MAF: variants seen among roughly 807,000 people sequenced by gnomAD.
The protein encoded by MAF is MAF bZIP transcription factor, also known as transcription factor Maf.
Under a neutral mutation model 22.0 loss-of-function variants are expected in MAF, and 10 were observed. That is an observed-to-expected ratio of 0.45 (90% CI 0.28 to 0.77). The LOEUF (loss-of-function observed/expected upper bound fraction) is 0.77. Among genes scored for constraint, MAF ranks in the 30% least tolerant of loss-of-function variants. The pLI is 0.12. For synonymous variants in MAF, 337 were observed against 255.8 expected (o/e 1.32, Z -3.03); for missense variants, 544 against 548.4 (o/e 0.99, Z 0.08).
At chr16:79,408,095 A>AAAAAAC in the MAF span, among the ~76,000 whole-genome samples, 3 of 146,996 alleles carry the variant, frequency 2.0e-5, no homozygotes, top group South Asian at 2.2e-4. Flanking sequence ...AAAAAAAAAA[A>AAAAAAC]AAAAACCTAA....
chr16:79,591,681 T>C (rs1187098535), downstream of MAF, among the ~76,000 whole-genome samples: 3 of 152,206 alleles, frequency 2.0e-5, no homozygotes, highest in East Asian at 3.9e-4. Flanking sequence ...GTCGTTGGTT[T>C]GCTCTTCCCA....
chr16:79,545,239 A>G, the MAF span, among the ~76,000 whole-genome samples: 5 of 152,196 alleles, frequency 3.3e-5, no homozygotes, highest in South Asian at 4.2e-4. Flanking sequence ...GACACAGGAC[A>G]TTGTTTTGGA....
At chr16:79,292,151 G>T in the MAF span, among the ~76,000 whole-genome samples, 1 of 152,158 alleles carries the variant, frequency 6.6e-6, no homozygotes, top group African/African-American at 2.4e-5. Flanking sequence ...TCTCTAAGAA[G>T]ACATGTTGAA....
the MAF span, among the ~76,000 whole-genome samples, chr16:79,491,443 CA>C: frequency 6.6e-6 from 1 of 152,180 alleles, no homozygotes; most frequent in Non-Finnish European, 1.5e-5. Context: ...ACACAAGAAA[CA>C]GGCAGAGAGC....
the MAF span, among the ~76,000 whole-genome samples, chr16:79,344,692 G>C: frequency 2.6e-5 from 4 of 152,132 alleles, no homozygotes; most frequent in Non-Finnish European, 4.4e-5. Context: ...AAGTCATCTA[G>C]AGAGCTTACT....
chr16:79,469,754 G>A, the MAF span, among the ~76,000 whole-genome samples: 1 of 152,004 alleles, frequency 6.6e-6, no homozygotes, highest in Non-Finnish European at 1.5e-5. Context: ...CCGCCACCTT[G>A]TCTGGCTAAT....
At chr16:79,304,595 G>C in the MAF span, among the ~76,000 whole-genome samples, 2 of 152,128 alleles carry the variant, frequency 1.3e-5, no homozygotes, top group African/African-American at 2.4e-5. Context: ...AAGTCAGTGA[G>C]AGCAAGAAAA....
chr16:79,539,905 AATT>A, the MAF span, among the ~76,000 whole-genome samples: 1 of 152,188 alleles, frequency 6.6e-6, no homozygotes, highest in South Asian at 2.1e-4. Flanking sequence ...TCTCTGATGA[AATT>A]ATGAGTGATT....
the MAF span, among the ~76,000 whole-genome samples, chr16:79,328,873 C>T: frequency 3.9e-5 from 6 of 152,134 alleles, no homozygotes; most frequent in South Asian, 6.2e-4. Context: ...TCTGCCAAGG[C>T]GTTTAACTCT....
At chr16:79,242,532 C>T in the MAF span, among the ~76,000 whole-genome samples, 18 of 151,812 alleles carry the variant, frequency 1.2e-4, no homozygotes, top group East Asian at 7.7e-4. Context: ...CACCCAATAC[C>T]GGAGCACCCA....
the MAF span, among the ~76,000 whole-genome samples, chr16:79,540,613 C>T: frequency 5.3e-5 from 8 of 152,182 alleles, no homozygotes; most frequent in Non-Finnish European, 1.0e-4. Flanking sequence ...CTGTGGGAAG[C>T]CAGACCACTT....
chr16:79,352,877 C>A, the MAF span, among the ~76,000 whole-genome samples: 1 of 152,168 alleles, frequency 6.6e-6, no homozygotes, highest in African/African-American at 2.4e-5. Flanking sequence ...TATTAAATTA[C>A]CCTCATTTCT....
At chr16:79,428,930 C>T in the MAF span, among the ~76,000 whole-genome samples, 5 of 151,982 alleles carry the variant, frequency 3.3e-5, no homozygotes, top group African/African-American at 1.2e-4. Context: ...GGCATAGCTG[C>T]AATTACAAAA....
chr16:79,402,452 G>A, the MAF span, among the ~76,000 whole-genome samples: 139 of 152,304 alleles, frequency 9.1e-4, 3 homozygotes, highest in African/African-American at 3.2e-3. Flanking sequence ...CATTCTTCCA[G>A]GGGCCTCTCA....
chr16:79,590,611 C>T (rs966751864), downstream of MAF, among the ~76,000 whole-genome samples: 1 of 151,988 alleles, frequency 6.6e-6, no homozygotes, highest in Admixed American at 6.6e-5. Flanking sequence ...GTGCTAAGGA[C>T]GTCACTGTTG....
chr16:79,270,416 C>A, the MAF span, among the ~76,000 whole-genome samples: 2 of 152,178 alleles, frequency 1.3e-5, no homozygotes, highest in East Asian at 3.9e-4. Context: ...GGAAGGAGAA[C>A]AGATGAAAAG....
At chr16:79,211,686 T>TGCTGCC in the MAF span, 9 of 1,614,126 alleles carry the variant, frequency 5.6e-6, no homozygotes, top group East Asian at 1.8e-4. Context: ...CTTCAACAAC[T>TGCTGCC]GCTGCCGCTG....
At chr16:79,412,900 T>C in the MAF span, among the ~76,000 whole-genome samples, 1 of 152,232 alleles carries the variant, frequency 6.6e-6, no homozygotes, top group South Asian at 2.1e-4. Context: ...AGTCAGCACC[T>C]TGGGCTTCGC....
chr16:79,319,633 T>C, the MAF span, among the ~76,000 whole-genome samples: 406 of 152,350 alleles, frequency 2.7e-3, 1 homozygote, highest in African/African-American at 9.4e-3. Context: ...TCTCTGATTA[T>C]TCTTAAACTA....
Sources: allele counts gnomAD v4.1 joint callset (sites outside exome capture counted in the v4.1 genomes callset), GRCh38; gene constraint gnomAD v4.1.1; transcripts MANE v1.5; gene names NCBI Gene and HGNC (gene_info 2026-07-23, HGNC 2026-07-21).